ERI1: variants seen among roughly 807,000 people sequenced by gnomAD.
ERI1 encodes 3'-5' exoribonuclease 1.
In ERI1, 39 loss-of-function variants were observed where a neutral mutation model predicts 39.7. That is an observed-to-expected ratio of 0.98 (90% confidence interval 0.76 to 1.28). The LOEUF (loss-of-function observed/expected upper bound fraction) is 1.28, where lower values mean the gene tolerates loss of function less well. ERI1 is among the 50% of genes most tolerant of loss of function. ERI1 has a pLI of 0.00. For synonymous variants in ERI1, 204 were observed against 149.6 expected, an observed-to-expected ratio of 1.36 and a Z score of -2.65; for missense variants, 581 against 416.9, an observed-to-expected ratio of 1.39 and a Z score of -3.43.
chr8:9,015,471 A>C (rs1451192171), intron 3 of ERI1, among the ~76,000 whole-genome samples: 1 of 152,092 alleles, frequency 6.6e-6, no homozygotes, highest in Non-Finnish European at 1.5e-5. Context: ...GGCCTCACTT[A>C]GTTTACAGAG....
intron 2 of ERI1, chr8:9,009,082 C>T (rs1305360972): frequency 4.4e-6 from 2 of 456,058 alleles, no homozygotes; most frequent in African/African-American, 2.0e-5. Context: ...TTTGTCCTTC[C>T]CAGGTGTGAA....
chr8:9,067,693 T>C (rs976340645), intron 3 of ERI1, among the ~76,000 whole-genome samples: 6 of 149,186 alleles, frequency 4.0e-5, no homozygotes, highest in Non-Finnish European at 7.4e-5. Context: ...TTCCATAACA[T>C]GGATAAGGCC....
chr8:9,061,925 G>T (rs2117399764), intron 3 of ERI1, among the ~76,000 whole-genome samples: 1 of 152,082 alleles, frequency 6.6e-6, no homozygotes, highest in African/African-American at 2.4e-5. Flanking sequence ...AAGCATGTTT[G>T]AGATCCAGAA....
At chr8:9,011,142 A>G (rs1044807677) in intron 2 of ERI1, among the ~76,000 whole-genome samples, 1 of 152,170 alleles carries the variant, frequency 6.6e-6, no homozygotes, top group Non-Finnish European at 1.5e-5. Context: ...TATATTCTTA[A>G]GTTTATATTT....
chr8:9,015,397 G>A (rs779645256), intron 3 of ERI1, among the ~76,000 whole-genome samples: 1 of 152,038 alleles, frequency 6.6e-6, no homozygotes, highest in African/African-American at 2.4e-5. Context: ...AGTGTGTTCT[G>A]GTTAGGGAGG....
chr8:9,034,834 G>T (rs780040495), downstream of ERI1, among the ~76,000 whole-genome samples: 6 of 152,202 alleles, frequency 3.9e-5, no homozygotes, highest in Non-Finnish European at 7.3e-5. Context: ...ATCCAAATTA[G>T]CAAAGTTGTA....
intron 2 of ERI1, among the ~76,000 whole-genome samples, chr8:9,010,283 C>T (rs979507520): frequency 7.9e-5 from 12 of 152,222 alleles, no homozygotes; most frequent in Middle Eastern, 3.4e-3. Flanking sequence ...TAGTCTCTCC[C>T]CCTATCACAC....
rs73662272 is a variant in ERI1 at position 9,010,150 on chromosome 8, A to C, written c.288-1392A>C. ...TATTCTGAATATGTTTCTGAGTTAG[A>C]ATTGACAAACATGGTGAATATTTGG... On this transcript the variant is annotated intron_variant, in intron 2 of 6. Coordinates refer to ENST00000250263, the MANE Select transcript of ERI1 (RefSeq NM_153332.4). 5.2e-3 allele frequency among the ~76,000 whole-genome samples: 786 copies of C among 152,316 alleles called. 4 individuals are homozygous for C. Among genetic ancestry groups the C allele is most frequent in the African/African-American group, 0.017 (717 of 41,558 alleles).
At chr8:9,014,093 A>T (rs1012064877) in intron 3 of ERI1, among the ~76,000 whole-genome samples, 1 of 152,208 alleles carries the variant, frequency 6.6e-6, no homozygotes, top group East Asian at 1.9e-4. Context: ...CTCAGAGTAC[A>T]ACCAATATTC....
chr8:9,067,642 G>A (rs919511811), intron 3 of ERI1, among the ~76,000 whole-genome samples: 8 of 135,866 alleles, frequency 5.9e-5, no homozygotes, highest in African/African-American at 1.8e-4. Flanking sequence ...GCAACAGAGT[G>A]AGAACCTTTC....
chr8:9,066,776 G>A (rs189929739), intron 3 of ERI1, among the ~76,000 whole-genome samples: 1 of 152,118 alleles, frequency 6.6e-6, no homozygotes, highest in East Asian at 1.9e-4. Flanking sequence ...TGACAGGCGG[G>A]TGAGTTGAGA....
chr8:9,017,442 C>T (rs1330900440), intron 4 of ERI1, among the ~76,000 whole-genome samples: 1 of 152,152 alleles, frequency 6.6e-6, no homozygotes, highest in African/African-American at 2.4e-5. Flanking sequence ...TATTTGAGTG[C>T]CTACTATAAT....
chr8:9,099,579 A>C (rs1311870404), intron 3 of ERI1, among the ~76,000 whole-genome samples: 1 of 149,138 alleles, frequency 6.7e-6, no homozygotes, highest in Non-Finnish European at 1.5e-5. Flanking sequence ...TGGGCAATAG[A>C]GCGGGACACT....
Position 9,099,898 on chromosome 8 carries a change from C to CTGAGT in ERI1, n.300-16450_300-16449insTGAGT, listed in dbSNP as rs1364846803. 283 of 152,286 alleles carry CTGAGT rather than the reference C, an allele frequency of 1.9e-3. 1 individual carries two copies. The highest frequency in any genetic ancestry group is 6.2e-3 in the African/African-American group (256 of 41,564). 9.4% of individuals were successfully genotyped at this position (152,286 alleles called of 1,614,324 possible). ...AATTGCTGAGTCATGTGGCAAACTA[C>CTGAGT]CAGTTCTGTTGAACCTCAGGGCCAT... On this transcript the variant is annotated intron_variant and non_coding_transcript_variant, in intron 3 of 3. Coordinates refer to the ERI1 transcript ENST00000518663.
At chr8:9,024,407 C>CTCTTTTCTTTTCTTTTCTTT (rs535713484) in intron 6 of ERI1, among the ~76,000 whole-genome samples, 13 of 151,166 alleles carry the variant, frequency 8.6e-5, no homozygotes, top group African/African-American at 2.2e-4. Flanking sequence ...CTTCTTTTTT[C>CTCTTTTCTTTTCTTTTCTTT]TCTTTTCTTT....
intron 3 of ERI1, among the ~76,000 whole-genome samples, chr8:9,079,698 CAG>C (rs2117447634): frequency 6.6e-6 from 1 of 152,224 alleles, no homozygotes; most frequent in Non-Finnish European, 1.5e-5. Context: ...TTTTTTGAGA[CAG>C]GGTCTCACTG....
chr8:9,028,433 G>A (rs1263321292), intron 6 of ERI1, among the ~76,000 whole-genome samples: 2 of 152,160 alleles, frequency 1.3e-5, no homozygotes, highest in Non-Finnish European at 2.9e-5. Context: ...TACAGCTTAA[G>A]ATAATTATAG....
chr8:9,037,693 A>C (rs1761105019), downstream of ERI1, among the ~76,000 whole-genome samples: 1 of 152,108 alleles, frequency 6.6e-6, no homozygotes, highest in African/African-American at 2.4e-5. Flanking sequence ...GTGATGAATG[A>C]GTTACTGTTT....
chr8:9,011,660 G>T lies in ERI1; in HGVS notation c.406G>T (p.Glu136Ter). The change falls in exon 3 of 7, where the codon GAA becomes TAA. Residue 136 changes from glutamate (E) to a stop codon, truncating the protein, a stop_gained. Transcript: ENST00000250263. LOFTEE classifies it high-confidence loss of function. ...YYDYICIIDF[E>*]ATCEEGNPPE... ...TGACTACATTTGTATTATTGACTTTGAAGCCACTTGTGAAGAAGGAAACCC... is the reference window on the plus strand; with the variant it reads ...TGACTACATTTGTATTATTGACTTTTAAGCCACTTGTGAAGAAGGAAACCC... 1 of 1,613,622 alleles carries T rather than the reference G, an allele frequency of 6.2e-7. No homozygotes were observed. The highest frequency in any genetic ancestry group is 8.5e-7 in the Non-Finnish European group (1 of 1,179,660).
Sources: gnomAD v4.1 joint callset for allele counts (sites outside exome capture counted in the v4.1 genomes callset) on GRCh38, gnomAD v4.1.1 for gene constraint, MANE v1.5 for transcripts, NCBI Gene and HGNC (gene_info 2026-07-23, HGNC 2026-07-21) for gene names.